Variants in GABRA3 observed in about 807,000 individuals in gnomAD.
GABRA3 encodes gamma-aminobutyric acid type A receptor subunit alpha3.
In GABRA3, 10 loss-of-function variants were observed where a neutral mutation model predicts 30.1. The observed-to-expected ratio is 0.33, with a 90% CI of 0.20 to 0.56. The LOEUF (loss-of-function observed/expected upper bound fraction) is 0.56, where lower values mean the gene tolerates loss of function less well. GABRA3 is among the 20% of genes least tolerant of loss of function. GABRA3 has a pLI of 0.89. For synonymous variants in GABRA3, 151 were observed against 146.8 expected (o/e 1.03, Z -0.21); for missense variants, 233 against 392.0 (o/e 0.59, Z 3.42).
intron 3 of GABRA3, among the ~76,000 whole-genome samples, chrX:152,297,848 C>G (rs904551773): frequency 3.6e-5 from 4 of 112,294 alleles, no homozygotes; most frequent in African/African-American, 9.7e-5. Context: ...GTTCATTGCT[C>G]CTCGCTGCAA....
chrX:152,281,026 G>A, intron 4 of GABRA3, among the ~76,000 whole-genome samples: 1 of 110,966 alleles, frequency 9.0e-6, no homozygotes, highest in Non-Finnish European at 1.9e-5. Flanking sequence ...TAGAAGAGAA[G>A]GTGGAGCAGT....
intron 6 of GABRA3, among the ~76,000 whole-genome samples, chrX:152,212,365 T>C (rs1216659481): frequency 1.0e-5 from 1 of 99,318 alleles, no homozygotes; most frequent in Non-Finnish European, 2.0e-5. Flanking sequence ...CTAAGGGTTT[T>C]TGCAGTCCTG....
intron 5 of GABRA3, among the ~76,000 whole-genome samples, chrX:152,235,941 T>C (rs1194068909): frequency 4.8e-5 from 5 of 103,418 alleles, no homozygotes; most frequent in Non-Finnish European, 5.9e-5. Flanking sequence ...GAACAAAGCA[T>C]TGCACTATTT....
intron 3 of GABRA3, among the ~76,000 whole-genome samples, chrX:152,310,270 C>T (rs1034410312): frequency 2.7e-5 from 3 of 112,198 alleles, no homozygotes; most frequent in African/African-American, 9.7e-5. Flanking sequence ...AAACTTGACA[C>T]TTAACCAAAT....
intron 2 of GABRA3, among the ~76,000 whole-genome samples, chrX:152,351,414 A>G (rs942859729): frequency 8.9e-6 from 1 of 111,950 alleles, no homozygotes; most frequent in Non-Finnish European, 1.9e-5. Flanking sequence ...TATGTTATGG[A>G]GATGGCTTCT....
At position 152,180,538 on chromosome X, in the gene GABRA3, T is replaced by C. The variant is rs939449558; in HGVS notation, c.1143+9192A>G. On this transcript the variant is annotated intron_variant, in intron 9 of 9. Coordinates refer to ENST00000370314, the MANE Select transcript of GABRA3 (RefSeq NM_000808.4). ...ATTGTTTCCTTGGCTATCAAAAAGC[T>C]TTTTAGTTTGGTGTAATCCCATTTG... 2.7e-5 allele frequency among the ~76,000 whole-genome samples: 3 copies of C among 112,166 alleles called. No individual in the cohort carries two copies. The South Asian group carries it at 1.1e-3, about 41-fold the overall frequency.
intron 3 of GABRA3, among the ~76,000 whole-genome samples, chrX:152,331,942 T>A (rs1005261346): frequency 1.8e-5 from 2 of 112,135 alleles, no homozygotes; most frequent in South Asian, 3.7e-4. Flanking sequence ...GTCATTAAAG[T>A]TTTCTCTGAA....
intron 6 of GABRA3, among the ~76,000 whole-genome samples, chrX:152,220,491 T>C (rs1937811511): frequency 9.0e-6 from 1 of 111,669 alleles, no homozygotes; most frequent in Non-Finnish European, 1.9e-5. Flanking sequence ...TGGAGTTTAT[T>C]ACAATGAGCT....
intron 1 of GABRA3, among the ~76,000 whole-genome samples, chrX:152,444,545 C>T (rs188880664): frequency 1.8e-5 from 2 of 110,460 alleles, no homozygotes; most frequent in African/African-American, 3.3e-5. Context: ...TTCCTGAAAC[C>T]ATTCACACTG....
At chrX:152,256,454 AAT>A (rs1938638495) in intron 4 of GABRA3, among the ~76,000 whole-genome samples, 1 of 111,666 alleles carries the variant, frequency 9.0e-6, no homozygotes, top group Non-Finnish European at 1.9e-5. Flanking sequence ...TCAAAATAAC[AAT>A]ATGTCTGATT....
At chrX:152,415,772 G>T (rs889967797) in intron 1 of GABRA3, among the ~76,000 whole-genome samples, 5 of 110,932 alleles carry the variant, frequency 4.5e-5, no homozygotes, top group African/African-American at 1.6e-4. Context: ...TATTATTTGC[G>T]ACTTCCCATG....
rs199720086 is a variant in GABRA3 at position 152,364,413 on chromosome X, A to G, written c.140+18T>C. ...TTTATCACAGTCTTCTTTCATCCTAAGAGTTAGGGGTTCTTACCCGCCAAT... is the reference window on the plus strand; with the variant it reads ...TTTATCACAGTCTTCTTTCATCCTAGGAGTTAGGGGTTCTTACCCGCCAAT... On this transcript the variant is annotated intron_variant, in intron 2 of 9. Coordinates refer to ENST00000370314, the MANE Select transcript of GABRA3 (RefSeq NM_000808.4). 28 of 1,194,460 alleles carry G rather than the reference A, an allele frequency of 2.3e-5. No homozygotes were observed. In the South Asian group the frequency reaches 4.8e-4, roughly 21 times the overall value.
chrX:152,222,906 G>A (rs753790974), intron 6 of GABRA3, among the ~76,000 whole-genome samples: 1 of 109,485 alleles, frequency 9.1e-6, no homozygotes, highest in Non-Finnish European at 1.9e-5. Flanking sequence ...AGGAAGCTCT[G>A]CTTTTCAACT....
chrX:152,326,965 C>T lies in GABRA3; in HGVS notation c.262+18616G>A, dbSNP rs939833592. Among the ~76,000 whole-genome samples, 9 of 108,669 alleles carry T rather than the reference C, an allele frequency of 8.3e-5. No individual in the cohort carries two copies. The South Asian group carries it at 2.0e-3, about 25-fold the overall frequency. 94.4% of individuals were successfully genotyped at this position (108,669 alleles called of 115,157 possible). On this transcript the variant is annotated intron_variant, in intron 3 of 9. Transcript: ENST00000370314. ...TGCTGTATTCAGGAGACCCATTTCA[C>T]GTGCAGAGACACATACAGGCTCAAA...
intron 3 of GABRA3, among the ~76,000 whole-genome samples, chrX:152,340,366 T>G (rs1646746234): frequency 8.9e-6 from 1 of 112,278 alleles, no homozygotes; most frequent in Admixed American, 9.5e-5. Context: ...CTTTAAGTAT[T>G]TACTTATCAT....
chrX:152,183,210 AC>A (rs1480345188), intron 9 of GABRA3, among the ~76,000 whole-genome samples: 1 of 109,615 alleles, frequency 9.1e-6, no homozygotes, highest in Non-Finnish European at 1.9e-5. Context: ...TTGATGGGAG[AC>A]TTTTTGTTAC....
intron 9 of GABRA3, among the ~76,000 whole-genome samples, chrX:152,172,756 T>C (rs1399524790): frequency 9.0e-6 from 1 of 111,448 alleles, no homozygotes; most frequent in Non-Finnish European, 1.9e-5. Context: ...AGCAAATTCA[T>C]AGAGACAGAA....
chrX:152,405,113 T>TCC (rs1479470377), intron 1 of GABRA3, among the ~76,000 whole-genome samples: 1 of 108,339 alleles, frequency 9.2e-6, no homozygotes, highest in Non-Finnish European at 1.9e-5. Flanking sequence ...CACCACCCCT[T>TCC]CCCTCTCCCC....
At chrX:152,343,458 A>C (rs1422082202) in intron 3 of GABRA3, among the ~76,000 whole-genome samples, 3 of 109,588 alleles carry the variant, frequency 2.7e-5, no homozygotes, top group Non-Finnish European at 5.7e-5. Context: ...AAAAAAAAAA[A>C]AAACAAAACG....
Sources: allele counts gnomAD v4.1 joint callset (sites outside exome capture counted in the v4.1 genomes callset), GRCh38; gene constraint gnomAD v4.1.1; transcripts MANE v1.5; gene names NCBI Gene and HGNC (gene_info 2026-07-23, HGNC 2026-07-21).